ZSCAN5A: variants seen among roughly 807,000 people sequenced by gnomAD.
The protein encoded by ZSCAN5A is zinc finger and SCAN domain containing 5A, also known as zinc finger and SCAN domain-containing protein 5A.
ZSCAN5A carries 12 observed loss-of-function variants against 23.7 expected under a neutral mutation model. The observed-to-expected ratio is 0.51, with a 90% CI of 0.32 to 0.82. ZSCAN5A has a LOEUF of 0.82. Among genes scored for constraint, ZSCAN5A ranks in the 40% least tolerant of loss-of-function variants. The pLI, the probability that ZSCAN5A is intolerant of heterozygous loss-of-function variation, is 0.03. For missense variants in ZSCAN5A, 597 were observed against 617.9 expected (o/e 0.97, Z 0.36); for synonymous variants, 257 against 239.9 (o/e 1.07, Z -0.66).
At chr19:56,319,892 C>G in intron 2 of ZSCAN5A, 1 of 910,454 alleles carries the variant, frequency 1.1e-6, no homozygotes, top group Admixed American at 1.7e-5. Context: ...TTGAATAGCA[C>G]TCATCAGCTG....
intron 2 of ZSCAN5A, among the ~76,000 whole-genome samples, chr19:56,310,703 T>C (rs2040984173): frequency 6.6e-6 from 1 of 152,208 alleles, no homozygotes; most frequent in South Asian, 2.1e-4. Context: ...CCTGAGGAAA[T>C]ACAGTTGTGA....
intron 2 of ZSCAN5A, among the ~76,000 whole-genome samples, chr19:56,249,510 G>T (rs2036194618): frequency 6.6e-6 from 1 of 152,216 alleles, no homozygotes; most frequent in Non-Finnish European, 1.5e-5. Flanking sequence ...GATCTTGGGT[G>T]ATCTGCCTGG....
At chr19:56,284,256 G>A (rs964061133) in intron 2 of ZSCAN5A, 7 of 867,084 alleles carry the variant, frequency 8.1e-6, no homozygotes, top group Non-Finnish European at 8.3e-6. Context: ...ACTTTGGCGG[G>A]AAATTTTGGG....
chr19:56,282,341 G>A, intron 2 of ZSCAN5A: 1 of 250,830 alleles, frequency 4.0e-6, no homozygotes, highest in East Asian at 1.8e-4. Flanking sequence ...TCCCCATTCT[G>A]GTTCCCTAAC....
chr19:56,258,146 A>C (rs567980839), intron 2 of ZSCAN5A, among the ~76,000 whole-genome samples: 5 of 152,338 alleles, frequency 3.3e-5, no homozygotes, highest in African/African-American at 9.6e-5. Flanking sequence ...GGGATTCTGC[A>C]AGCCTTTCGC....
chr19:56,322,896 T>C (rs569097961), intron 2 of ZSCAN5A, among the ~76,000 whole-genome samples: 208 of 141,962 alleles, frequency 1.5e-3, no homozygotes, highest in Middle Eastern at 3.5e-3. Context: ...TGGTTTCTTT[T>C]TTTTTTTTTT....
chr19:56,305,051 C>T (rs978194824), intron 2 of ZSCAN5A, among the ~76,000 whole-genome samples: 4 of 152,098 alleles, frequency 2.6e-5, no homozygotes, highest in African/African-American at 7.2e-5. Context: ...AGGGATGTGC[C>T]GGGCAGGAGG....
At chr19:56,222,421 C>T (rs902574887) in intron 5 of ZSCAN5A, 95 bp from the exon 6 acceptor site, 35 of 1,567,200 alleles carry the variant, frequency 2.2e-5, no homozygotes, top group Non-Finnish European at 2.5e-5. Flanking sequence ...TGACAACTTC[C>T]GCTCAAGCTC....
chr19:56,319,498 GAAAA>G (rs57164685), upstream of ZSCAN5A, among the ~76,000 whole-genome samples: 8 of 78,422 alleles, frequency 1.0e-4, no homozygotes, highest in South Asian at 4.8e-4. Flanking sequence ...TCCATCTCGG[GAAAA>G]AAAAAAAAAA....
At chr19:56,327,847 T>A (rs1222436183) in intron 2 of ZSCAN5A, among the ~76,000 whole-genome samples, 1 of 152,108 alleles carries the variant, frequency 6.6e-6, no homozygotes, top group Admixed American at 6.6e-5. Flanking sequence ...GTGTGTTATA[T>A]GTAGTATTAC....
upstream of ZSCAN5A, chr19:56,316,928 C>T (rs1174214393): frequency 1.3e-5 from 2 of 152,276 alleles, no homozygotes; most frequent in Admixed American, 1.3e-4. Flanking sequence ...CCTTGACCTC[C>T]TGGGCTTAAG....
At chr19:56,303,020 T>C (rs957576635) in intron 2 of ZSCAN5A, 5 of 395,254 alleles carry the variant, frequency 1.3e-5, no homozygotes, top group African/African-American at 1.0e-4. Context: ...TATCTCAGCC[T>C]AGGGGAAGTG....
At chr19:56,295,584 G>A (rs993782119) in intron 2 of ZSCAN5A, among the ~76,000 whole-genome samples, 1 of 152,110 alleles carries the variant, frequency 6.6e-6, no homozygotes, top group Non-Finnish European at 1.5e-5. Flanking sequence ...AACAGAGCAA[G>A]ACTCCGTCTA....
intron 2 of ZSCAN5A, among the ~76,000 whole-genome samples, chr19:56,362,735 G>A (rs2041742141): frequency 6.6e-6 from 1 of 151,996 alleles, no homozygotes; most frequent in Non-Finnish European, 1.5e-5. Flanking sequence ...GCCAGGTATA[G>A]TGGCAGGCAC....
At position 56,223,632 on chromosome 19, in the gene ZSCAN5A, T is replaced by A; in HGVS notation, c.587A>T (p.Gln196Leu). ...LPRVPALSRRQGEDFLLHKSI... is the reference protein window; with the variant it reads ...LPRVPALSRRLGEDFLLHKSI... ...GACACCAAGGCCTCACACACTCACC[T>A]GCCTCCTGGACAATGCAGGGACCCT... The change falls in exon 4 of 6, where the codon CAG becomes CTG. Residue 196 changes from glutamine (Q) to leucine (L), a missense_variant and splice_region_variant. By Grantham distance (113) the Gln-to-Leu change is moderately radical. Coordinates refer to ENST00000683990, the MANE Select transcript of ZSCAN5A (RefSeq NM_001322064.3). 2 of 1,613,576 alleles carry A rather than the reference T, an allele frequency of 1.2e-6. No homozygotes were observed. The highest frequency in any genetic ancestry group is 1.7e-5 in the Admixed American group (1 of 59,980).
At chr19:56,309,218 G>A (rs960312009) in intron 2 of ZSCAN5A, among the ~76,000 whole-genome samples, 5 of 152,208 alleles carry the variant, frequency 3.3e-5, no homozygotes, top group African/African-American at 4.8e-5. Flanking sequence ...CACAGTAGAT[G>A]ATGCCATGTA....
chr19:56,297,309 C>T (rs1249550569), intron 2 of ZSCAN5A, among the ~76,000 whole-genome samples: 1 of 152,070 alleles, frequency 6.6e-6, no homozygotes, highest in African/African-American at 2.4e-5. Context: ...TTGGTCTCCA[C>T]CCACTTCATA....
At chr19:56,223,481 C>T (rs2033523274) in intron 4 of ZSCAN5A, 150 bp downstream of exon 4, 1 of 831,484 alleles carries the variant, frequency 1.2e-6, no homozygotes, top group East Asian at 2.7e-5. Flanking sequence ...TGTGATGGCT[C>T]AGGAATGAAT....
chr19:56,222,632 G>C lies in ZSCAN5A; in HGVS notation c.698C>G (p.Pro233Arg). Residue 233 changes from proline (P) to arginine (R), a missense_variant, in exon 5 of 6, where the codon CCA becomes CGA. Physicochemically the swap from Pro to Arg is moderately radical, Grantham distance 103 (BLOSUM62 -2). Transcript: ENST00000683990. ...KDLKENREEN[P>R]GLTSPEPQLP... Reference sequence around the variant, plus strand: ...CTGAGGCTCTGGGGATGTCAGTCCTGGGTTCTCTTCCCTGTTTTCCTTCAG... The same window carrying C: ...CTGAGGCTCTGGGGATGTCAGTCCTCGGTTCTCTTCCCTGTTTTCCTTCAG... 6.2e-7 allele frequency: 1 copy of C among 1,614,176 alleles called. No homozygotes were observed. The highest frequency in any genetic ancestry group is 1.1e-5 in the South Asian group (1 of 91,078).
Sources: gnomAD v4.1 joint callset for allele counts (sites outside exome capture counted in the v4.1 genomes callset) on GRCh38, gnomAD v4.1.1 for gene constraint, MANE v1.5 for transcripts, NCBI Gene and HGNC (gene_info 2026-07-23, HGNC 2026-07-21) for gene names.